STAT1: variants seen among roughly 807,000 people sequenced by gnomAD.
The protein encoded by STAT1 is signal transducer and activator of transcription 1.
STAT1 carries 24 observed loss-of-function variants against 111.7 expected under a neutral mutation model. The observed-to-expected ratio is 0.21, with a 90% CI of 0.16 to 0.30. STAT1 has a LOEUF of 0.30. Ranked by LOEUF, STAT1 falls within the 10% of genes least tolerant of loss-of-function variation. The pLI is 1.00. For synonymous variants in STAT1, 332 were observed against 326.5 expected (o/e 1.02, Z -0.18); for missense variants, 351 against 911.9 (o/e 0.38, Z 7.92).
Position 190,977,557 on chromosome 2 carries a change from C to T in STAT1, c.1874-532G>A, listed in dbSNP as rs41450049. ...ACGTAATAAACCATGGTTTAATTTA[C>T]TCCCGTTCTTATTCCCAGACTGAAT... On this transcript the variant is annotated intron_variant, in intron 21 of 24. Transcript: ENST00000361099. This position sits in a 1 kb window ranked among gnomAD's most constrained non-coding sequence, Gnocchi z 4.7. Among the ~76,000 whole-genome samples the T allele has an allele frequency of 5.8e-3, 882 of 152,304 alleles. 14 individuals carry two copies. The highest frequency in any genetic ancestry group is 0.019 in the African/African-American group (780 of 41,558).
At chr2:191,005,030 C>A (rs1694573913) in intron 5 of STAT1, among the ~76,000 whole-genome samples, 1 of 152,168 alleles carries the variant, frequency 6.6e-6, no homozygotes, top group Non-Finnish European at 1.5e-5. Context: ...GCATAATATT[C>A]TCTTAAATGT....
chr2:190,982,630 G>A lies in STAT1; in HGVS notation c.1447-112C>T, dbSNP rs1574644325. On this transcript the variant is annotated intron_variant, in intron 17 of 24. Coordinates refer to ENST00000361099, the MANE Select transcript of STAT1 (RefSeq NM_007315.4). This position sits in a 1 kb window ranked among gnomAD's most constrained non-coding sequence, Gnocchi z 7.3. ...TCAATTCTAGTTTATATGACACACA[G>A]GTGCTTTCACAGTAGGGGAAGAGAA... 1 of 1,200,266 alleles carries A rather than the reference G, an allele frequency of 8.3e-7. No homozygotes were observed. Among genetic ancestry groups the A allele is most frequent in the Non-Finnish European group, 1.2e-6 (1 of 812,464 alleles). 74.4% of individuals were successfully genotyped at this position (1,200,266 alleles called of 1,614,324 possible).
chr2:191,009,509 A>G (rs955934604), intron 3 of STAT1, among the ~76,000 whole-genome samples: 1 of 152,232 alleles, frequency 6.6e-6, no homozygotes, highest in Non-Finnish European at 1.5e-5. Flanking sequence ...ATTTCTAATC[A>G]ATGTTTAACC....
rs1574645843 is a variant in STAT1, at chr2:190,984,234, T to A, written c.1347+76A>T. Reference sequence around the variant, plus strand: ...AGGTAAATACCTCCAGAACAAACACTGAGAAATAAAAATACATGTAACAAT... The same window carrying A: ...AGGTAAATACCTCCAGAACAAACACAGAGAAATAAAAATACATGTAACAAT... On this transcript the variant is annotated intron_variant, in intron 16 of 24. Coordinates refer to ENST00000361099, the MANE Select transcript of STAT1 (RefSeq NM_007315.4). The surrounding 1 kb of genome is among the most constrained non-coding windows in gnomAD (Gnocchi z 5.2). 1.5e-5 allele frequency: 18 copies of A among 1,230,020 alleles called. No individual in the cohort carries two copies. In the South Asian group the frequency reaches 2.1e-4, roughly 15 times the overall value. The allele number at this position is 1,230,020 out of a possible 1,614,324, so 76.2% of individuals were successfully genotyped here.
In STAT1 at chr2:190,995,370, A is replaced by G; in HGVS notation, c.786-151T>C. ...TTTATAAAGGAAAGAGGTTTAATTG[A>G]CACATAGTTCCACATGGCTGAGGAG... On this transcript the variant is annotated intron_variant, in intron 9 of 24. Coordinates refer to ENST00000361099, the MANE Select transcript of STAT1 (RefSeq NM_007315.4). This position sits in a 1 kb window ranked among gnomAD's most constrained non-coding sequence, Gnocchi z 4.2. 2.3e-6 allele frequency: 2 copies of G among 857,662 alleles called. No homozygotes were observed. The highest frequency in any genetic ancestry group is 2.8e-5 in the South Asian group (2 of 70,418). 53.1% of individuals were successfully genotyped at this position (857,662 alleles called of 1,614,324 possible).
rs996869119 is a variant in STAT1, at chr2:191,006,638, A to G, written c.372+925T>C. On this transcript the variant is annotated intron_variant, in intron 5 of 24. Coordinates refer to ENST00000361099, the MANE Select transcript of STAT1 (RefSeq NM_007315.4). This position sits in a 1 kb window ranked among gnomAD's most constrained non-coding sequence, Gnocchi z 4.6. The stretch of plus-strand genomic sequence containing the variant: ...CATCCATATAGCAATGGGCTCCTCC[A>G]GAACAATCCATAACATGGTGGCTTC... Among the ~76,000 whole-genome samples the G allele has an allele frequency of 2.6e-5, 4 of 152,238 alleles. No homozygotes were observed. Among genetic ancestry groups the G allele is most frequent in the Non-Finnish European group, 4.4e-5 (3 of 68,036 alleles).
chr2:190,991,946 A>G (rs45491605), intron 10 of STAT1, among the ~76,000 whole-genome samples: 4,931 of 152,330 alleles, frequency 0.032, 256 homozygotes, highest in African/African-American at 0.11. Flanking sequence ...TCAAAGTACA[A>G]GTAATGTTTT....
chr2:190,978,760 T>C lies in STAT1; in HGVS notation c.1873+96A>G. On this transcript the variant is annotated intron_variant, in intron 21 of 24. Coordinates refer to ENST00000361099, the MANE Select transcript of STAT1 (RefSeq NM_007315.4). This position sits in a 1 kb window ranked among gnomAD's most constrained non-coding sequence, Gnocchi z 6.1. The stretch of plus-strand genomic sequence containing the variant: ...TAAGTATAAGATCTGCAATTTCATG[T>C]CCCAAACGCACTATCTGTATGAGCT... 1 of 1,506,416 alleles carries C rather than the reference T, an allele frequency of 6.6e-7. No individual in the cohort carries two copies. Among genetic ancestry groups the C allele is most frequent in the Non-Finnish European group, 9.0e-7 (1 of 1,106,902 alleles). 93.3% of individuals were successfully genotyped at this position (1,506,416 alleles called of 1,614,324 possible).
rs1691659570 is a variant in STAT1, at chr2:190,973,476, T to G, written c.2238+1354A>C. On this transcript the variant is annotated intron_variant, in intron 24 of 24. Coordinates refer to ENST00000361099, the MANE Select transcript of STAT1 (RefSeq NM_007315.4). The surrounding 1 kb of genome is among the most constrained non-coding windows in gnomAD (Gnocchi z 4.4). ...TGTGAAGTACATGGTATACTGTAGGTGCTTAATGTCACCTATTAATGGTGG... is the reference window on the plus strand; with the variant it reads ...TGTGAAGTACATGGTATACTGTAGGGGCTTAATGTCACCTATTAATGGTGG... 6.6e-6 allele frequency among the ~76,000 whole-genome samples: 1 copy of G among 152,138 alleles called. No homozygotes were observed. The highest frequency in any genetic ancestry group is 6.5e-5 in the Admixed American group (1 of 15,282).
chr2:190,982,444 A>C lies in STAT1; in HGVS notation c.1521T>G (p.Ser507=). The change falls in exon 18 of 25, where the codon TCT becomes TCG. Residue 507 remains serine (S), a synonymous_variant. Transcript: ENST00000361099. This position sits in a 1 kb window ranked among gnomAD's most constrained non-coding sequence, Gnocchi z 7.3. ...CATTGAGACCTCTTTTGGTGACAGA[A>C]GAAAACTGCCAACTCAGCACTTCTG... ...QLSEVLSWQF[S]SVTKRGLNVD... is the part of the protein sequence containing the mutation. 1 of 1,614,248 alleles carries C rather than the reference A, an allele frequency of 6.2e-7. No homozygotes were observed. The highest frequency in any genetic ancestry group is 1.3e-5 in the African/African-American group (1 of 75,062).
rs892180004 is a variant in STAT1, at chr2:191,003,536, G to A, written c.373-2373C>T. Reference sequence around the variant, plus strand: ...CTCTTGGTACTATCCTTGTGATCACGAGTTCTCACAAGATCTGGTTAAGTG... The same window carrying A: ...CTCTTGGTACTATCCTTGTGATCACAAGTTCTCACAAGATCTGGTTAAGTG... On this transcript the variant is annotated intron_variant, in intron 5 of 24. Coordinates refer to ENST00000361099, the MANE Select transcript of STAT1 (RefSeq NM_007315.4). The surrounding 1 kb of genome is among the most constrained non-coding windows in gnomAD (Gnocchi z 4.0). Among the ~76,000 whole-genome samples, 11 of 152,086 alleles carry A rather than the reference G, an allele frequency of 7.2e-5. No homozygotes were observed. Among genetic ancestry groups the A allele is most frequent in the African/African-American group, 1.9e-4 (8 of 41,412 alleles).
chr2:191,007,485 C>T lies in STAT1; in HGVS notation c.372+78G>A. Reference sequence around the variant, plus strand: ...AGAGAGATATTCATCATTGCTTTGACATGGGCCCTAATAGTATTTGATGAA... The same window carrying T: ...AGAGAGATATTCATCATTGCTTTGATATGGGCCCTAATAGTATTTGATGAA... On this transcript the variant is annotated intron_variant, in intron 5 of 24. Coordinates refer to ENST00000361099, the MANE Select transcript of STAT1 (RefSeq NM_007315.4). This position sits in a 1 kb window ranked among gnomAD's most constrained non-coding sequence, Gnocchi z 4.2. 4.7e-6 allele frequency: 5 copies of T among 1,060,346 alleles called. No individual in the cohort carries two copies. The highest frequency in any genetic ancestry group is 2.5e-4 in the Middle Eastern group (1 of 4,036). 65.7% of individuals were successfully genotyped at this position (1,060,346 alleles called of 1,614,324 possible).
Position 190,976,040 on chromosome 2 carries a change from C to T in STAT1, c.2060-153G>A, listed in dbSNP as rs550819733. 1.3e-5 allele frequency among the ~76,000 whole-genome samples: 2 copies of T among 152,284 alleles called. No homozygotes were observed. Among genetic ancestry groups the T allele is most frequent in the East Asian group, 3.9e-4 (2 of 5,188 alleles). ...GCTATAACCTCCCTGCCTGAGTCAC[C>T]TAAAATTCTAGTGGGAATGCAGAAA... On this transcript the variant is annotated intron_variant, in intron 22 of 24. Coordinates refer to ENST00000361099, the MANE Select transcript of STAT1 (RefSeq NM_007315.4). The surrounding 1 kb of genome is among the most constrained non-coding windows in gnomAD (Gnocchi z 6.0).
In STAT1 at chr2:190,982,632, T is replaced by G; in HGVS notation, c.1447-114A>C. 2 of 1,163,722 alleles carry G rather than the reference T, an allele frequency of 1.7e-6. No homozygotes were observed. The highest frequency in any genetic ancestry group is 2.6e-6 in the Non-Finnish European group (2 of 780,084). 72.1% of individuals were successfully genotyped at this position (1,163,722 alleles called of 1,614,324 possible). A position where few individuals can be genotyped will look rare whatever the true frequency, so the allele number is the denominator to read the frequency against. ...AATTCTAGTTTATATGACACACAGG[T>G]GCTTTCACAGTAGGGGAAGAGAAAT... is the stretch of plus-strand genomic sequence containing the variant. On this transcript the variant is annotated intron_variant, in intron 17 of 24. Coordinates refer to ENST00000361099, the MANE Select transcript of STAT1 (RefSeq NM_007315.4). This position sits in a 1 kb window ranked among gnomAD's most constrained non-coding sequence, Gnocchi z 7.3.
chr2:191,008,320 C>T (rs1694862175), intron 4 of STAT1, among the ~76,000 whole-genome samples: 2 of 152,192 alleles, frequency 1.3e-5, no homozygotes, highest in Non-Finnish European at 2.9e-5. Context: ...CTTTCACCTC[C>T]ATTAAAACAG....
Position 191,009,127 on chromosome 2 carries a change from C to T in STAT1, c.129-20G>A. The T allele has an allele frequency of 6.2e-7, 1 of 1,613,860 alleles. No individual in the cohort carries two copies. Among genetic ancestry groups the T allele is most frequent in the Non-Finnish European group, 8.5e-7 (1 of 1,179,810 alleles). ...TGCTCCCTAGGAGATTTAACATTTA[C>T]ACATTTCATTCTAGAACTAAATGTC... On this transcript the variant is annotated intron_variant, in intron 3 of 24. Coordinates refer to ENST00000361099, the MANE Select transcript of STAT1 (RefSeq NM_007315.4).
rs549990538 is a variant in STAT1, at chr2:190,980,273, G to T, written c.1632+347C>A. On this transcript the variant is annotated intron_variant, in intron 19 of 24. Coordinates refer to ENST00000361099, the MANE Select transcript of STAT1 (RefSeq NM_007315.4). This position sits in a 1 kb window ranked among gnomAD's most constrained non-coding sequence, Gnocchi z 6.1. ...GTGGGCCCCTCTGCTCGAGCAGGCCGTTAAACTCGTCTGGCTGGTCAGGCT... is the reference window on the plus strand; with the variant it reads ...GTGGGCCCCTCTGCTCGAGCAGGCCTTTAAACTCGTCTGGCTGGTCAGGCT... Among the ~76,000 whole-genome samples, 8 of 152,326 alleles carry T rather than the reference G, an allele frequency of 5.3e-5. No individual in the cohort carries two copies. The highest frequency in any genetic ancestry group is 1.9e-4 in the African/African-American group (8 of 41,578).
chr2:190,995,335 G>T lies in STAT1; in HGVS notation c.786-116C>A. ...ATGCTGCTAATAAAGACATACTCGA[G>T]ACTGGAGAATTTATAAAGGAAAGAG... is the stretch of plus-strand genomic sequence containing the variant. On this transcript the variant is annotated intron_variant, in intron 9 of 24. Coordinates refer to ENST00000361099, the MANE Select transcript of STAT1 (RefSeq NM_007315.4). The surrounding 1 kb of genome is among the most constrained non-coding windows in gnomAD (Gnocchi z 4.2). 9.4e-7 allele frequency: 1 copy of T among 1,058,714 alleles called. No individual in the cohort carries two copies. The highest frequency in any genetic ancestry group is 1.3e-5 in the South Asian group (1 of 78,762). The allele number at this position is 1,058,714 out of a possible 1,614,324, so 65.6% of individuals were successfully genotyped here.
chr2:191,010,529 A>G, intron 2 of STAT1: 1 of 275,318 alleles, frequency 3.6e-6, no homozygotes, highest in East Asian at 1.0e-4. Context: ...AAATAAATAC[A>G]TGAAAAACAT....
Sources: gnomAD v4.1 joint callset for allele counts (sites outside exome capture counted in the v4.1 genomes callset) on GRCh38, gnomAD v4.1.1 for gene constraint, Gnocchi (gnomAD v3.1) non-coding constraint, MANE v1.5 for transcripts, NCBI Gene and HGNC (gene_info 2026-07-23, HGNC 2026-07-21) for gene names.